SIGLEC1: variants seen among roughly 807,000 people sequenced by gnomAD.
The protein encoded by SIGLEC1 is sialoadhesin.
SIGLEC1 carries 132 observed loss-of-function variants against 148.0 expected under a neutral mutation model. That is an observed-to-expected ratio of 0.89 (90% CI 0.77 to 1.03). SIGLEC1 has a LOEUF of 1.03. SIGLEC1 is among the 50% of genes least tolerant of loss of function. The pLI is 0.00. For synonymous variants in SIGLEC1, 945 were observed against 969.0 expected, an observed-to-expected ratio of 0.98 and a Z score of 0.46; for missense variants, 2,253 against 2,271.4, an observed-to-expected ratio of 0.99 and a Z score of 0.16.
chr20:3,694,912 G>A lies in SIGLEC1; in HGVS notation c.2695C>T (p.Gln899Ter). Reference sequence around the variant, plus strand: ...TGGAGCTCAGGTGATGGTGACACCTGGACCCAGGCTCCTGCAGGGGAAAAC... The same window carrying A: ...TGGAGCTCAGGTGATGGTGACACCTAGACCCAGGCTCCTGCAGGGGAAAAC... ...LFFQVRGAWV[Q>*]VSPSPELQEG... The change falls in exon 12 of 22, where the codon CAG becomes TAG. Residue 899 changes from glutamine to a stop codon, truncating the protein, a stop_gained. Coordinates refer to ENST00000344754, the MANE Select transcript of SIGLEC1 (RefSeq NM_023068.4). LOFTEE classifies it high-confidence loss of function. 6.2e-7 allele frequency: 1 copy of A among 1,611,494 alleles called. No homozygotes were observed.
At chr20:3,706,320 G>A (rs372361414) in intron 3 of SIGLEC1, 27 bp downstream of exon 3, 46 of 1,586,926 alleles carry the variant, frequency 2.9e-5, no homozygotes, top group Non-Finnish European at 3.8e-5. Context: ...CCCTCCCGGG[G>A]GGCAGCCAGG....
In SIGLEC1 at chr20:3,694,859, G is replaced by A; in HGVS notation, c.2748C>T (p.Cys916=). The A allele has an allele frequency of 6.2e-7, 1 of 1,613,268 alleles. No individual in the cohort carries two copies. Among genetic ancestry groups the A allele is most frequent in the Admixed American group, 1.7e-5 (1 of 60,014 alleles). ...LQEGQAVVLS[C]QVHTGVPEGT... is the part of the protein sequence containing the mutation. ...CCTCTGGGACTCCTGTGTGTACCTG[G>A]CAGCTCAGGACCACAGCCTGGCCCT... Residue 916 remains cysteine, a synonymous_variant, in exon 12 of 22, where the codon TGC becomes TGT. Transcript: ENST00000344754.
chr20:3,697,002 C>T (rs2146524242), intron 10 of SIGLEC1, 83 bp downstream of exon 10: 2 of 1,559,324 alleles, frequency 1.3e-6, no homozygotes, highest in East Asian at 2.3e-5. Flanking sequence ...TCTTTCCTCC[C>T]CAAACCCCAG....
chr20:3,692,247 T>A, intron 16 of SIGLEC1, 45 bp from the exon 17 acceptor site: 1 of 1,489,132 alleles, frequency 6.7e-7, no homozygotes, highest in Non-Finnish European at 8.9e-7. Context: ...TTAGGCACCC[T>A]GTACTGCTCA....
At chr20:3,695,265 G>T (rs1180261981) in intron 11 of SIGLEC1, among the ~76,000 whole-genome samples, 1 of 152,188 alleles carries the variant, frequency 6.6e-6, no homozygotes, top group Non-Finnish European at 1.5e-5. Context: ...GTTAGCTCCT[G>T]ACAAATGTTG....
rs1003271110 is a variant in SIGLEC1 at position 3,692,756 on chromosome 20, C to T, written c.3795G>A (p.Leu1265=). The T allele has an allele frequency of 4.3e-6, 7 of 1,610,796 alleles. No individual in the cohort carries two copies. Among genetic ancestry groups the T allele is most frequent in the Non-Finnish European group, 5.1e-6 (6 of 1,179,378 alleles). Residue 1265 remains leucine (L), a synonymous_variant, in exon 16 of 22, where the codon CTG becomes CTA. Transcript: ENST00000344754. Reference sequence around the variant, plus strand: ...CTTCAGGCACGGCAGCCTCCGGAGCCAGGATCACCCGCACACCTGTGCCAA... The same window carrying T: ...CTTCAGGCACGGCAGCCTCCGGAGCTAGGATCACCCGCACACCTGTGCCAA... The part of the protein sequence containing the change: ...ELRLEGVRVI[L]APEAAVPEGA...
At chr20:3,708,977 G>A (rs184714736) in intron 1 of SIGLEC1, among the ~76,000 whole-genome samples, 8 of 150,606 alleles carry the variant, frequency 5.3e-5, no homozygotes, top group African/African-American at 1.7e-4. Context: ...CCCAGGAGGC[G>A]GAGGTCACGG....
intron 4 of SIGLEC1, among the ~76,000 whole-genome samples, 166 bp from the exon 5 acceptor site, chr20:3,704,257 G>T (rs914810170): frequency 2.0e-5 from 3 of 152,166 alleles, no homozygotes; most frequent in Admixed American, 2.0e-4. Flanking sequence ...GCCCATGTCC[G>T]TCCCTTTCCC....
At position 3,693,794 on chromosome 20, in the gene SIGLEC1, G is replaced by T. The variant is rs982463696; in HGVS notation, c.3257-96C>A. On this transcript the variant is annotated intron_variant, in intron 13 of 21. Transcript: ENST00000344754. ...TGTGGGTGAGCTACTCCTACTGCTG[G>T]GGAGCCCCTTGGCCTTTGGGAGCCT... 1.5e-5 allele frequency: 21 copies of T among 1,379,884 alleles called. No individual in the cohort carries two copies. The African/African-American group carries it at 2.9e-4, about 19-fold the overall frequency. 85.5% of individuals were successfully genotyped at this position (1,379,884 alleles called of 1,614,324 possible).
intron 1 of SIGLEC1, among the ~76,000 whole-genome samples, chr20:3,708,437 C>T (rs771917079): frequency 4.0e-5 from 6 of 149,802 alleles, no homozygotes; most frequent in Admixed American, 6.6e-5. Flanking sequence ...ATTAAAAGCA[C>T]GAAAAAAAAA....
In SIGLEC1 at chr20:3,703,845, G is replaced by C; in HGVS notation, c.953C>G (p.Pro318Arg). ...CTCACTGAAGATGTGGAGGCTGATG[G>C]GGGGTGAGACCAAAGAGCCCACGCC... ...ENGVGSLVSP[P>R]ISLHIFMAEV... Residue 318 changes from proline (P) to arginine (R), a missense_variant, in exon 5 of 22, where the codon CCC (proline) becomes CGC (arginine). Physicochemically the swap from Pro to Arg is moderately radical, Grantham distance 103. Transcript: ENST00000344754. 6.2e-7 allele frequency: 1 copy of C among 1,614,042 alleles called. No homozygotes were observed. Among genetic ancestry groups the C allele is most frequent in the South Asian group, 1.1e-5 (1 of 91,088 alleles).
At chr20:3,691,746 C>A in intron 17 of SIGLEC1, 146 bp from the exon 18 acceptor site, 1 of 1,328,866 alleles carries the variant, frequency 7.5e-7, no homozygotes, top group African/African-American at 1.5e-5. Flanking sequence ...GAACCATGCC[C>A]CCTCCAGTGG....
chr20:3,707,356 C>T (rs2087904473), intron 1 of SIGLEC1, among the ~76,000 whole-genome samples, 119 bp from the exon 2 acceptor site: 1 of 152,198 alleles, frequency 6.6e-6, no homozygotes, highest in Non-Finnish European at 1.5e-5. Context: ...GTTCCCAGCT[C>T]AGGCTGTGCC....
rs1449371819 is a variant in SIGLEC1, at chr20:3,688,288, A to C, written c.*272T>G. On this transcript the variant is annotated 3_prime_UTR_variant, in exon 22 of 22. Transcript: ENST00000344754. The stretch of plus-strand genomic sequence containing the variant: ...GGGCAGGGCTTCCTTTGAGGGAGAA[A>C]TGGAGAGAAGGGAGGAGATCCAGAG... The C allele has an allele frequency of 4.5e-6, 2 of 448,808 alleles. No homozygotes were observed. The highest frequency in any genetic ancestry group is 7.3e-5 in the Admixed American group (2 of 27,242). 27.8% of individuals were successfully genotyped at this position (448,808 alleles called of 1,614,324 possible).
chr20:3,712,371 C>A (rs892410983), intron 1 of SIGLEC1, among the ~76,000 whole-genome samples, 99 bp downstream of exon 1: 1 of 151,458 alleles, frequency 6.6e-6, no homozygotes, highest in Non-Finnish European at 1.5e-5. Context: ...TGGAGCCCCC[C>A]CCCGACCCCT....
Position 3,703,465 on chromosome 20 carries a change from A to T in SIGLEC1, c.974-14T>A. ...GGACCTCAGCCACTGCAAGGGCAGC[A>T]TAGGGAGTGCTGGGGGGTCCCAGCC... On this transcript the variant is annotated splice_polypyrimidine_tract_variant and intron_variant, in intron 5 of 21. Transcript: ENST00000344754. 3 of 1,558,448 alleles carry T rather than the reference A, an allele frequency of 1.9e-6. No homozygotes were observed. Among genetic ancestry groups the T allele is most frequent in the Non-Finnish European group, 2.6e-6 (3 of 1,150,442 alleles).
chr20:3,703,220 C>T lies in SIGLEC1; in HGVS notation c.1205G>A (p.Gly402Asp), dbSNP rs2087865495. The T allele has an allele frequency of 6.2e-7, 1 of 1,614,122 alleles. No individual in the cohort carries two copies. ...VQNVHGSERS[G>D]PVSVVVNHPP... is the part of the protein sequence containing the mutation. ...ACGGTTGACTACCACGCTGACAGGGCCCGAGCGCTCGCTGCCATGGACGTT... is the reference window on the plus strand; with the variant it reads ...ACGGTTGACTACCACGCTGACAGGGTCCGAGCGCTCGCTGCCATGGACGTT... Residue 402 changes from glycine to aspartate, a missense_variant, in exon 6 of 22, where the codon GGC becomes GAC. Coordinates refer to ENST00000344754, the MANE Select transcript of SIGLEC1 (RefSeq NM_023068.4).
chr20:3,712,160 G>A (rs1000743227), intron 1 of SIGLEC1, among the ~76,000 whole-genome samples: 1 of 149,844 alleles, frequency 6.7e-6, no homozygotes, highest in Non-Finnish European at 1.5e-5. Flanking sequence ...GGGTTGGGGT[G>A]CAAGTGAGGT....
At position 3,692,125 on chromosome 20, in the gene SIGLEC1, CCACAGTG is replaced by C; in HGVS notation, c.4101_4107del (p.Cys1367TrpfsTer74). On this transcript the variant is annotated frameshift_variant, in exon 17 of 22. Coordinates refer to ENST00000344754, the MANE Select transcript of SIGLEC1 (RefSeq NM_023068.4). LOFTEE classifies it high-confidence loss of function. ...GCCAGCTCAGCAGGTGGCTCACTGT[CCACAGTG>C]CACTGTATCACAGCCATGGATCTGG... 1 of 1,604,230 alleles carries C rather than the reference CCACAGTG, an allele frequency of 6.2e-7. No homozygotes were observed. Among genetic ancestry groups the C allele is most frequent in the Non-Finnish European group, 8.5e-7 (1 of 1,177,014 alleles).
Sources: allele counts gnomAD v4.1 joint callset (sites outside exome capture counted in the v4.1 genomes callset), GRCh38; gene constraint gnomAD v4.1.1; transcripts MANE v1.5; gene names NCBI Gene and HGNC (gene_info 2026-07-23, HGNC 2026-07-21).